The following TBC1D5 variants were observed in gnomAD, a reference collection of about 807,000 sequenced individuals.
TBC1D5 encodes TBC1 domain family member 5.
A neutral mutation model predicts 100.3 loss-of-function variants in TBC1D5; 75 were observed. The ratio of observed to expected loss-of-function variants is 0.75; its 90% CI spans 0.62 to 0.91. The LOEUF (loss-of-function observed/expected upper bound fraction) is 0.91. TBC1D5 is among the 40% of genes least tolerant of loss of function. The probability of loss-of-function intolerance (pLI) is 0.00; values close to 1 mark genes in which losing one functional copy is unlikely to be tolerated. For synonymous variants in TBC1D5, 323 were observed against 325.6 expected, an observed-to-expected ratio of 0.99 and a Z score of 0.09; for missense variants, 910 against 942.4, an observed-to-expected ratio of 0.97 and a Z score of 0.45.
At chr3:17,353,820 C>A (rs1022628138) in intron 13 of TBC1D5, among the ~76,000 whole-genome samples, 1 of 152,022 alleles carries the variant, frequency 6.6e-6, no homozygotes, top group Non-Finnish European at 1.5e-5. Context: ...TAGCAGCAAG[C>A]TCCATTATGG....
chr3:17,506,637 GTCCTAATAACTT>G (rs1283884703), intron 3 of TBC1D5, among the ~76,000 whole-genome samples: 2 of 152,054 alleles, frequency 1.3e-5, no homozygotes, highest in Non-Finnish European at 2.9e-5. Context: ...CATCAATTCA[GTCCTAATAACTT>G]AGTATGTCAT....
chr3:17,404,718 A>G, exon 7 of TBC1D5: 1 of 1,607,240 alleles, frequency 6.2e-7, no homozygotes, highest in Non-Finnish European at 8.5e-7. Flanking sequence ...AAAGAGGATT[A>G]TTGATCATCA....
chr3:17,200,030 G>C (rs911766848), intron 18 of TBC1D5, among the ~76,000 whole-genome samples: 4 of 150,710 alleles, frequency 2.7e-5, no homozygotes, highest in Non-Finnish European at 5.9e-5. Flanking sequence ...AGAGGGGAAA[G>C]GAGGGAGCTT....
intron 2 of TBC1D5, among the ~76,000 whole-genome samples, chr3:17,574,684 C>T (rs183687646): frequency 6.6e-6 from 1 of 152,172 alleles, no homozygotes; most frequent in Admixed American, 6.5e-5. Context: ...TCTATCTCCG[C>T]AAGTATAAGA....
At position 17,277,888 on chromosome 3, in the gene TBC1D5, G is replaced by A. The variant is rs114606805; in HGVS notation, c.1245+14007C>T. ...ACTGCACCCTCATCAGGCCTCAGGA[G>A]GAAATGAGAGTATTATCAAACGATC... On this transcript the variant is annotated intron_variant, in intron 15 of 21. Transcript: ENST00000253692. 3.0e-3 allele frequency among the ~76,000 whole-genome samples: 453 copies of A among 152,230 alleles called. 4 individuals are homozygous for A. Among genetic ancestry groups the A allele is most frequent in the African/African-American group, 0.01 (429 of 41,518 alleles).
rs149619611 is a variant in TBC1D5, at chr3:17,726,156, G to A, written c.-101+13187C>T. On this transcript the variant is annotated intron_variant, in intron 1 of 21. Transcript: ENST00000253692. ...GTTGATTCCATGTCTTTGCCGTCGCGAACAGTGCTGCAATGAACATACGTG... is the reference window on the plus strand; with the variant it reads ...GTTGATTCCATGTCTTTGCCGTCGCAAACAGTGCTGCAATGAACATACGTG... 3.0e-3 allele frequency among the ~76,000 whole-genome samples: 464 copies of A among 152,194 alleles called. 2 individuals are homozygous for A. The highest frequency in any genetic ancestry group is 5.4e-3 in the Non-Finnish European group (367 of 68,026).
At chr3:17,512,753 A>C (rs779872014) in intron 2 of TBC1D5, among the ~76,000 whole-genome samples, 1 of 152,190 alleles carries the variant, frequency 6.6e-6, no homozygotes, top group Admixed American at 6.5e-5. Flanking sequence ...AAATTCCAAA[A>C]AGTCGTAACT....
At chr3:17,523,295 G>A (rs1170718411) in intron 2 of TBC1D5, among the ~76,000 whole-genome samples, 3 of 152,144 alleles carry the variant, frequency 2.0e-5, no homozygotes, top group African/African-American at 4.8e-5. Context: ...ATGGCATGGG[G>A]AAAGGAACAT....
At chr3:17,195,509 T>G (rs947920646) in intron 18 of TBC1D5, among the ~76,000 whole-genome samples, 7 of 152,348 alleles carry the variant, frequency 4.6e-5, no homozygotes, top group African/African-American at 1.7e-4. Context: ...CTGGCCCAGA[T>G]AGAAGGGCCT....
At chr3:17,171,215 A>C (rs2067142535) in intron 19 of TBC1D5, among the ~76,000 whole-genome samples, 1 of 152,072 alleles carries the variant, frequency 6.6e-6, no homozygotes, top group Admixed American at 6.6e-5. Flanking sequence ...TTAAGGAGGC[A>C]CCTAGAGCAC....
At chr3:17,264,652 G>A (rs2078669113) in intron 15 of TBC1D5, among the ~76,000 whole-genome samples, 1 of 152,206 alleles carries the variant, frequency 6.6e-6, no homozygotes, top group African/African-American at 2.4e-5. Context: ...AGGAGTCAGT[G>A]AGGGTCGTAC....
intron 2 of TBC1D5, among the ~76,000 whole-genome samples, chr3:17,574,049 C>T (rs1250634521): frequency 6.6e-6 from 1 of 151,962 alleles, no homozygotes; most frequent in African/African-American, 2.4e-5. Flanking sequence ...AATTACTTTA[C>T]AAAATAAATG....
chr3:17,613,246 T>C (rs1375882193), intron 2 of TBC1D5, among the ~76,000 whole-genome samples: 2 of 152,224 alleles, frequency 1.3e-5, no homozygotes, highest in African/African-American at 4.8e-5. Context: ...TAGTATTCCA[T>C]GGTGTATATG....
intron 19 of TBC1D5, among the ~76,000 whole-genome samples, chr3:17,184,374 T>A (rs2068773835): frequency 6.6e-6 from 1 of 152,204 alleles, no homozygotes; most frequent in South Asian, 2.1e-4. Context: ...ATAATCACAT[T>A]AGTGATTACT....
At chr3:17,440,322 A>C (rs1015445226) in intron 3 of TBC1D5, among the ~76,000 whole-genome samples, 1 of 152,116 alleles carries the variant, frequency 6.6e-6, no homozygotes, top group South Asian at 2.1e-4. Context: ...CCAAAAAAAA[A>C]CTCAGTAAAA....
chr3:17,414,710 A>C (rs2094019974), intron 4 of TBC1D5, among the ~76,000 whole-genome samples: 1 of 152,186 alleles, frequency 6.6e-6, no homozygotes, highest in Non-Finnish European at 1.5e-5. Flanking sequence ...TTTTTAGCTT[A>C]AATCACAGGT....
intron 7 of TBC1D5, among the ~76,000 whole-genome samples, chr3:17,403,590 C>T (rs1484753537): frequency 6.6e-6 from 1 of 151,842 alleles, no homozygotes; most frequent in Non-Finnish European, 1.5e-5. Context: ...ATCAGAAAAA[C>T]AGCACAGTAT....
intron 2 of TBC1D5, chr3:17,622,547 A>G (rs1228584752): frequency 1.3e-5 from 2 of 151,858 alleles, no homozygotes; most frequent in Non-Finnish European, 2.9e-5. Context: ...GTTTGTGCAC[A>G]TGTTAAAGGA....
intron 19 of TBC1D5, among the ~76,000 whole-genome samples, chr3:17,179,179 G>A (rs138123543): frequency 6.6e-6 from 1 of 152,296 alleles, no homozygotes; most frequent in African/African-American, 2.4e-5. Flanking sequence ...AGAGGACTCT[G>A]CTACCCGCAA....
Sources: gnomAD v4.1 joint callset for allele counts (sites outside exome capture counted in the v4.1 genomes callset) on GRCh38, gnomAD v4.1.1 for gene constraint, MANE v1.5 for transcripts, NCBI Gene and HGNC (gene_info 2026-07-23, HGNC 2026-07-21) for gene names.